Variants in TCF7L1 observed in about 807,000 individuals in gnomAD.
TCF7L1 encodes the protein transcription factor 7 like 1, also known as transcription factor 7-like 1.
Under a neutral mutation model 63.7 loss-of-function variants are expected in TCF7L1, and 18 were observed. The ratio of observed to expected loss-of-function variants is 0.28; its 90% CI spans 0.20 to 0.42. The LOEUF (loss-of-function observed/expected upper bound fraction) is 0.42, where lower values mean the gene tolerates loss of function less well. Among genes scored for constraint, TCF7L1 ranks in the 10% least tolerant of loss-of-function variants. TCF7L1 has a pLI of 1.00. For synonymous variants in TCF7L1, 355 were observed against 340.9 expected, an observed-to-expected ratio of 1.04 and a Z score of -0.46; for missense variants, 654 against 779.3, an observed-to-expected ratio of 0.84 and a Z score of 1.91.
rs908629498 is a variant in TCF7L1 at position 85,245,479 on chromosome 2, G to T, written c.442-38016G>T. Among the ~76,000 whole-genome samples, 25 of 152,098 alleles carry T rather than the reference G, an allele frequency of 1.6e-4. 1 individual carries two copies. Among genetic ancestry groups the T allele is most frequent in the African/African-American group, 5.8e-4 (24 of 41,402 alleles). On this transcript the variant is annotated intron_variant, in intron 3 of 11. Coordinates refer to ENST00000282111, the MANE Select transcript of TCF7L1 (RefSeq NM_031283.3). ...CCAGATGGGGACCTGGAACCATGTG[G>T]CTCATCTTTGAGCTACAAGGTCAGA...
intron 4 of TCF7L1, among the ~76,000 whole-genome samples, chr2:85,285,027 A>C (rs1481790954): frequency 2.0e-5 from 3 of 152,136 alleles, no homozygotes; most frequent in Non-Finnish European, 4.4e-5. Context: ...AGGTCAGGAG[A>C]TCGATACCAT....
intron 3 of TCF7L1, among the ~76,000 whole-genome samples, chr2:85,236,853 C>T (rs1279780926): frequency 6.6e-6 from 1 of 152,152 alleles, no homozygotes; most frequent in Non-Finnish European, 1.5e-5. Context: ...GGAGGGACTG[C>T]AGGGTCATTT....
intron 3 of TCF7L1, among the ~76,000 whole-genome samples, chr2:85,172,371 G>T (rs1484755839): frequency 1.3e-5 from 2 of 152,152 alleles, no homozygotes; most frequent in African/African-American, 4.8e-5. Context: ...AACTCACTTG[G>T]CACACTCTTG....
intron 3 of TCF7L1, among the ~76,000 whole-genome samples, chr2:85,162,908 G>A (rs1678324165): frequency 6.6e-6 from 1 of 152,022 alleles, no homozygotes; most frequent in Non-Finnish European, 1.5e-5. Flanking sequence ...ACCATTCCCC[G>A]CTGTTCATCC....
At chr2:85,219,308 AT>A (rs1344574670) in intron 3 of TCF7L1, among the ~76,000 whole-genome samples, 1 of 152,200 alleles carries the variant, frequency 6.6e-6, no homozygotes, top group Non-Finnish European at 1.5e-5. Context: ...TAAATGACAC[AT>A]TTGCGTATTA....
chr2:85,136,290 C>G (rs2104177788), intron 3 of TCF7L1, among the ~76,000 whole-genome samples: 1 of 152,326 alleles, frequency 6.6e-6, no homozygotes, highest in South Asian at 2.1e-4. Context: ...GCTGTCTGCT[C>G]TCTCTGACAG....
At chr2:85,201,838 A>T (rs1230505547) in intron 3 of TCF7L1, among the ~76,000 whole-genome samples, 1 of 152,164 alleles carries the variant, frequency 6.6e-6, no homozygotes, top group Admixed American at 6.5e-5. Flanking sequence ...AGTTTGGTTT[A>T]CCTTTTCCTG....
At chr2:85,213,929 C>A (rs1679629550) in intron 3 of TCF7L1, among the ~76,000 whole-genome samples, 1 of 152,222 alleles carries the variant, frequency 6.6e-6, no homozygotes, top group Admixed American at 6.5e-5. Flanking sequence ...AAGGCTGGAT[C>A]CAGAGGGTGT....
rs577308739 is a variant in TCF7L1, at chr2:85,264,551, C to T, written c.442-18944C>T. 2.0e-3 allele frequency among the ~76,000 whole-genome samples: 302 copies of T among 152,300 alleles called. 4 individuals carry two copies. Among genetic ancestry groups the T allele is most frequent in the African/African-American group, 7.0e-3 (292 of 41,562 alleles). Reference sequence around the variant, plus strand: ...ACAAGACCTGATCACCACCCAGTCTCGGTCCTCAAACAGCTGCTTGTGAAA... The same window carrying T: ...ACAAGACCTGATCACCACCCAGTCTTGGTCCTCAAACAGCTGCTTGTGAAA... On this transcript the variant is annotated intron_variant, in intron 3 of 11. Coordinates refer to ENST00000282111, the MANE Select transcript of TCF7L1 (RefSeq NM_031283.3).
At chr2:85,184,886 C>T (rs1445145066) in intron 3 of TCF7L1, among the ~76,000 whole-genome samples, 1 of 151,892 alleles carries the variant, frequency 6.6e-6, no homozygotes, top group Non-Finnish European at 1.5e-5. Flanking sequence ...CCCTTCTGAT[C>T]CTCACAGCAC....
chr2:85,164,252 G>A (rs76117226), intron 3 of TCF7L1, among the ~76,000 whole-genome samples: 5,496 of 152,250 alleles, frequency 0.036, 96 homozygotes, highest in Middle Eastern at 0.061. Context: ...ACACTCAGAG[G>A]ATGATTGTTT....
chr2:85,218,366 C>A (rs973922799), intron 3 of TCF7L1, among the ~76,000 whole-genome samples: 3 of 152,274 alleles, frequency 2.0e-5, no homozygotes, highest in African/African-American at 7.2e-5. Flanking sequence ...AGCAATCCTT[C>A]TGCCTCAGCC....
At chr2:85,152,437 C>CTT (rs36116388) in intron 3 of TCF7L1, among the ~76,000 whole-genome samples, 33 of 131,902 alleles carry the variant, frequency 2.5e-4, no homozygotes, top group African/African-American at 6.3e-4. Context: ...CTCTCTCTCT[C>CTT]TTTTTTTTTT....
Position 85,283,492 on chromosome 2 carries a change from C to T in TCF7L1, c.442-3C>T, listed in dbSNP as rs770499418. ...AGCTTTTTCTTTTCTGTTCCCTGTG[C>T]AGTACCTGCAGATGAAATGGCCCCT... On this transcript the variant is annotated splice_region_variant and splice_polypyrimidine_tract_variant and intron_variant, in intron 3 of 11. Coordinates refer to ENST00000282111, the MANE Select transcript of TCF7L1 (RefSeq NM_031283.3). 9.9e-6 allele frequency: 16 copies of T among 1,613,954 alleles called. No individual in the cohort carries two copies. In the African/African-American group the frequency reaches 2.0e-4, roughly 20 times the overall value.
chr2:85,245,197 T>A (rs943303331), intron 3 of TCF7L1, among the ~76,000 whole-genome samples: 1 of 152,174 alleles, frequency 6.6e-6, no homozygotes, highest in Non-Finnish European at 1.5e-5. Flanking sequence ...TCTCCAGACT[T>A]GGAACCTAAG....
chr2:85,307,080 G>A (rs73943090), intron 10 of TCF7L1, among the ~76,000 whole-genome samples: 1 of 152,128 alleles, frequency 6.6e-6, no homozygotes, highest in East Asian at 1.9e-4. Context: ...GACTTCAGTT[G>A]ATGCATTTCC....
chr2:85,229,234 T>C (rs571755903), intron 3 of TCF7L1, among the ~76,000 whole-genome samples: 2 of 151,052 alleles, frequency 1.3e-5, no homozygotes, highest in African/African-American at 4.9e-5. Flanking sequence ...TAGTCCCAGC[T>C]ACTCCGGGAG....
At chr2:85,188,365 A>G (rs977841869) in intron 3 of TCF7L1, among the ~76,000 whole-genome samples, 1 of 152,256 alleles carries the variant, frequency 6.6e-6, no homozygotes, top group Non-Finnish European at 1.5e-5. Context: ...CTAGTTAGCT[A>G]TGCAAGACGT....
chr2:85,285,552 T>C (rs6547609), intron 4 of TCF7L1, among the ~76,000 whole-genome samples: 83,397 of 152,118 alleles, frequency 0.55, 24,164 homozygotes, highest in African/African-American at 0.76. Flanking sequence ...CACAAGCTGC[T>C]GTTGAACAAG....
Sources: allele counts gnomAD v4.1 joint callset (sites outside exome capture counted in the v4.1 genomes callset), GRCh38; gene constraint gnomAD v4.1.1; transcripts MANE v1.5; gene names NCBI Gene and HGNC (gene_info 2026-07-23, HGNC 2026-07-21).